The following RBM20 variants were observed in gnomAD, a reference collection of about 807,000 sequenced individuals.
RBM20 encodes the protein RNA binding motif protein 20, also known as RNA-binding protein 20.
RBM20 carries 51 observed loss-of-function variants against 110.1 expected under a neutral mutation model. That is an observed-to-expected ratio of 0.46 (90% CI 0.37 to 0.59). The LOEUF is 0.59. Among genes scored for constraint, RBM20 ranks in the 20% least tolerant of loss-of-function variants. The pLI is 0.00. For missense variants in RBM20, 1,512 were observed against 1,574.9 expected (o/e 0.96, Z 0.68); for synonymous variants, 589 against 618.2 (o/e 0.95, Z 0.70).
chr10:110,827,793 G>A (rs1011714312), intron 12 of RBM20: 19 of 152,218 alleles, frequency 1.2e-4, no homozygotes, highest in African/African-American at 3.9e-4. Context: ...TCCTCTCACC[G>A]GGGCTGCATA....
chr10:110,727,419 A>AAAAATAAAAAAAAAAATAAAAAAAAT (rs377734576), intron 1 of RBM20, among the ~76,000 whole-genome samples: 6 of 146,724 alleles, frequency 4.1e-5, no homozygotes, highest in Non-Finnish European at 9.0e-5. Context: ...AAATAAAAAA[A>AAAAATAAAAAAAAAAATAAAAAAAAT]AAATAAATAA....
intron 7 of RBM20, among the ~76,000 whole-genome samples, chr10:110,802,982 AT>A (rs35380087): frequency 0.031 from 4,644 of 152,130 alleles, 98 homozygotes; most frequent in Middle Eastern, 0.089. Context: ...GGCTTTAAGT[AT>A]TTTTTTTCAT....
At chr10:110,796,172 G>T (rs1844547698) in intron 5 of RBM20, among the ~76,000 whole-genome samples, 2 of 152,194 alleles carry the variant, frequency 1.3e-5, no homozygotes, top group South Asian at 4.1e-4. Flanking sequence ...AGAAGGTTCA[G>T]CATGTCTCAT....
At chr10:110,692,916 T>C (rs1368354510) in intron 1 of RBM20, among the ~76,000 whole-genome samples, 1 of 152,152 alleles carries the variant, frequency 6.6e-6, no homozygotes, top group Non-Finnish European at 1.5e-5. Flanking sequence ...CTAACCTTTA[T>C]CATGCTGAGG....
At chr10:110,771,579 G>T (rs1844189656) in intron 1 of RBM20, among the ~76,000 whole-genome samples, 1 of 152,220 alleles carries the variant, frequency 6.6e-6, no homozygotes, top group Non-Finnish European at 1.5e-5. Context: ...ATGAGAGCAG[G>T]TGGTGGAGTT....
chr10:110,741,434 G>A (rs969525575), intron 1 of RBM20, among the ~76,000 whole-genome samples: 9 of 152,094 alleles, frequency 5.9e-5, no homozygotes, highest in African/African-American at 2.2e-4. Context: ...TCATGTGTCC[G>A]AAGTTGAACT....
At chr10:110,823,248 AT>A (rs1791025959) in intron 11 of RBM20, among the ~76,000 whole-genome samples, 1 of 152,036 alleles carries the variant, frequency 6.6e-6, no homozygotes, top group South Asian at 2.1e-4. Flanking sequence ...AAATGCAAAC[AT>A]TTGCCAAGTT....
rs1447180252 is a variant in RBM20 at position 110,812,493 on chromosome 10, A to G, written c.2096A>G (p.Asp699Gly). 3 of 1,551,662 alleles carry G rather than the reference A, an allele frequency of 1.9e-6. No individual in the cohort carries two copies. The highest frequency in any genetic ancestry group is 2.6e-6 in the Non-Finnish European group (3 of 1,146,970). The stretch of plus-strand genomic sequence containing the variant: ...GCTCCCTGGAGGGACAACGGAGATG[A>G]CAAGAGGGACAGGATGGACCCCTGG... ...DPAPWRDNGD[D>G]KRDRMDPWAH... The change falls in exon 9 of 14, where the codon GAC becomes GGC. Residue 699 changes from aspartate to glycine, a missense_variant. Physicochemically the swap from Asp to Gly is moderately conservative, Grantham distance 94 (BLOSUM62 -1). Transcript: ENST00000369519.
chr10:110,727,014 T>C (rs1843567652), intron 1 of RBM20, among the ~76,000 whole-genome samples: 1 of 151,990 alleles, frequency 6.6e-6, no homozygotes, highest in South Asian at 2.1e-4. Flanking sequence ...GCCCGGCTGA[T>C]TTTTTGTGTT....
chr10:110,728,834 G>T (rs1425061338), intron 1 of RBM20, among the ~76,000 whole-genome samples: 2 of 152,146 alleles, frequency 1.3e-5, no homozygotes, highest in African/African-American at 4.8e-5. Flanking sequence ...GGCTGTCCCT[G>T]GGTATCTTTC....
intron 1 of RBM20, among the ~76,000 whole-genome samples, chr10:110,662,974 T>C (rs76740352): frequency 6.6e-6 from 1 of 150,540 alleles, no homozygotes; most frequent in Admixed American, 6.6e-5. Flanking sequence ...CTTTCTTTCT[T>C]TTTTTTTTAA....
chr10:110,812,404 G>T lies in RBM20; in HGVS notation c.2007G>T (p.Trp669Cys), dbSNP rs1326253209. 2.6e-6 allele frequency: 4 copies of T among 1,551,690 alleles called. No homozygotes were observed. Residue 669 changes from tryptophan to cysteine, a missense_variant, in exon 9 of 14, where the codon TGG becomes TGT. Around this residue, in one of 3 missense-constraint regions of RBM20, gnomAD observed 1,149 missense variants for 1,169.4 expected, o/e 0.98. Coordinates refer to ENST00000369519, the MANE Select transcript of RBM20 (RefSeq NM_001134363.3). ...CTCCGGGCCCCTCCCGGGCTGACTG[G>T]GGCAATGGCCGGGACTCCTGGGAGC... The part of the protein sequence containing the change: ...HSPPGPSRAD[W>C]GNGRDSWEHS...
At chr10:110,806,671 T>C (rs754595550) in intron 7 of RBM20, among the ~76,000 whole-genome samples, 1 of 152,218 alleles carries the variant, frequency 6.6e-6, no homozygotes, top group Non-Finnish European at 1.5e-5. Flanking sequence ...TTAGTCATCA[T>C]TGTTGGCTGA....
chr10:110,648,667 G>A (rs1861902315), intron 1 of RBM20, among the ~76,000 whole-genome samples: 2 of 151,462 alleles, frequency 1.3e-5, no homozygotes, highest in Admixed American at 1.3e-4. Context: ...GCATTCAGCA[G>A]GGAAAACATC....
intron 1 of RBM20, among the ~76,000 whole-genome samples, chr10:110,670,302 A>T (rs558316312): frequency 6.6e-6 from 1 of 152,352 alleles, no homozygotes; most frequent in South Asian, 2.1e-4. Flanking sequence ...GATTCAAGAA[A>T]TGATCTAGCT....
In RBM20 at chr10:110,644,621, C is replaced by G; in HGVS notation, c.167C>G (p.Ala56Gly). The G allele has an allele frequency of 6.6e-7, 1 of 1,514,206 alleles. No homozygotes were observed. Among genetic ancestry groups the G allele is most frequent in the Non-Finnish European group, 8.8e-7 (1 of 1,135,018 alleles). The allele number at this position is 1,514,206 out of a possible 1,614,324, so 93.8% of individuals were successfully genotyped here. A position where few individuals can be genotyped will look rare whatever the true frequency, so the allele number is the denominator to read the frequency against. The change falls in exon 1 of 14, where the codon GCC becomes GGC. Residue 56 changes from alanine (A) to glycine (G), a missense_variant. Physicochemically the swap from Ala to Gly is moderately conservative, Grantham distance 60 (BLOSUM62 0). Coordinates refer to ENST00000369519, the MANE Select transcript of RBM20 (RefSeq NM_001134363.3). The surrounding 1 kb of genome is among the most constrained non-coding windows in gnomAD (Gnocchi z 4.3). ...PPPQPPPPPQ[A>G]GLPQIIQNAA... ...CCCCAGCCACCGCCCCCGCCCCAAG[C>G]CGGCCTACCCCAGATCATCCAAAAG...
intron 5 of RBM20, among the ~76,000 whole-genome samples, chr10:110,796,312 C>T (rs61065428): frequency 0.12 from 18,294 of 152,174 alleles, 1,286 homozygotes; most frequent in African/African-American, 0.19. Flanking sequence ...TTTAAACATA[C>T]GGAACAGTAG....
chr10:110,791,734 T>C (rs902293080), intron 5 of RBM20, among the ~76,000 whole-genome samples: 2 of 152,142 alleles, frequency 1.3e-5, no homozygotes, highest in Admixed American at 1.3e-4. Flanking sequence ...CCCGATCCCA[T>C]GTGGGGGCAC....
At chr10:110,827,445 C>G (rs2135131915) in intron 12 of RBM20, among the ~76,000 whole-genome samples, 1 of 152,208 alleles carries the variant, frequency 6.6e-6, no homozygotes, top group East Asian at 1.9e-4. Flanking sequence ...TCAGATCACT[C>G]TGTTCTCCAG....
Sources: gnomAD v4.1 joint callset for allele counts (sites outside exome capture counted in the v4.1 genomes callset) on GRCh38, gnomAD v4.1.1 for gene constraint, gnomAD v4.1.1 regional missense constraint, Gnocchi (gnomAD v3.1) non-coding constraint, MANE v1.5 for transcripts, NCBI Gene and HGNC (gene_info 2026-07-23, HGNC 2026-07-21) for gene names.